The following GPLD1 variants were observed in gnomAD, a reference collection of about 807,000 sequenced individuals.
GPLD1 encodes the protein phosphatidylinositol-glycan-specific phospholipase D.
GPLD1 carries 84 observed loss-of-function variants against 112.6 expected under a neutral mutation model. The observed-to-expected ratio is 0.75, with a 90% CI of 0.63 to 0.89. GPLD1 has a LOEUF of 0.89. GPLD1 is among the 40% of genes least tolerant of loss of function. GPLD1 has a pLI of 0.00. For synonymous variants in GPLD1, 386 were observed against 403.8 expected, an observed-to-expected ratio of 0.96 and a Z score of 0.53; for missense variants, 1,044 against 1,051.5, an observed-to-expected ratio of 0.99 and a Z score of 0.10.
intron 14 of GPLD1, 91 bp from the exon 15 acceptor site, chr6:24,449,990 A>C (rs1581747262): frequency 1.2e-6 from 1 of 826,250 alleles, no homozygotes; most frequent in South Asian, 1.7e-5. Context: ...GCCTGGGACA[A>C]CCCCCGCCCC....
At chr6:24,474,172 CAT>C (rs1491240862) in intron 5 of GPLD1, among the ~76,000 whole-genome samples, 2,671 of 63,846 alleles carry the variant, frequency 0.042, 88 homozygotes, top group African/African-American at 0.087. Flanking sequence ...ACCACACCCA[CAT>C]ACACACACAC....
At chr6:24,476,959 C>T (rs1764039388) in intron 3 of GPLD1, among the ~76,000 whole-genome samples, 1 of 152,020 alleles carries the variant, frequency 6.6e-6, no homozygotes, top group African/African-American at 2.4e-5. Flanking sequence ...TCAGATCCCT[C>T]AGTTCAATTT....
intron 7 of GPLD1, among the ~76,000 whole-genome samples, chr6:24,467,933 C>G (rs1763671702): frequency 6.6e-6 from 1 of 151,480 alleles, no homozygotes; most frequent in Admixed American, 6.6e-5. Context: ...GGAGATGGAG[C>G]TTCGCTCTTG....
intron 1 of GPLD1, among the ~76,000 whole-genome samples, chr6:24,487,857 A>G (rs1764428042): frequency 6.6e-6 from 1 of 152,212 alleles, no homozygotes; most frequent in Non-Finnish European, 1.5e-5. Context: ...ATTCTAGGCC[A>G]GGCCACTGAA....
At chr6:24,486,946 C>A (rs1345364763) in intron 1 of GPLD1, among the ~76,000 whole-genome samples, 4 of 152,070 alleles carry the variant, frequency 2.6e-5, no homozygotes, top group African/African-American at 9.7e-5. Flanking sequence ...CATCATTGGA[C>A]CAGAAGGACA....
chr6:24,434,388 A>T (rs1008408259), intron 22 of GPLD1, among the ~76,000 whole-genome samples: 1 of 150,766 alleles, frequency 6.6e-6, no homozygotes, highest in African/African-American at 2.4e-5. Flanking sequence ...ACAGAGTGAG[A>T]CTCCATTAAA....
In GPLD1 at chr6:24,495,098, C is replaced by G. The variant is rs779034609; in HGVS notation, n.108G>C. 4.8e-5 allele frequency: 64 copies of G among 1,319,588 alleles called. No homozygotes were observed. In the African/African-American group the frequency reaches 9.2e-4, roughly 19 times the overall value. 81.7% of individuals were successfully genotyped at this position (1,319,588 alleles called of 1,614,324 possible). ...CCCGCGCCGGCGGCCTGGTCCCTGC[C>G]TCCGGGCCTGCGCCCGGCCCGGCCC... On this transcript the variant is annotated non_coding_transcript_exon_variant, in exon 1 of 11. Coordinates refer to the GPLD1 transcript ENST00000474784.
intron 22 of GPLD1, among the ~76,000 whole-genome samples, chr6:24,434,374 G>C (rs1284026591): frequency 6.6e-6 from 1 of 151,438 alleles, no homozygotes; most frequent in Non-Finnish European, 1.5e-5. Flanking sequence ...CTCCAGCCTG[G>C]ATGACAGAGT....
In GPLD1 at chr6:24,466,579, T is replaced by C. The variant is rs1763624271; in HGVS notation, c.821+101A>G. 3 of 902,024 alleles carry C rather than the reference T, an allele frequency of 3.3e-6. No individual in the cohort carries two copies. The South Asian group carries it at 5.0e-5, about 15-fold the overall frequency. 55.9% of individuals were successfully genotyped at this position (902,024 alleles called of 1,614,324 possible). ...AAAAGCACTTCATGAGATTGTTTTGTTTTGTTTTTATGTGATCAGTTGAAA... is the reference window on the plus strand; with the variant it reads ...AAAAGCACTTCATGAGATTGTTTTGCTTTGTTTTTATGTGATCAGTTGAAA... On this transcript the variant is annotated intron_variant, in intron 10 of 24. Transcript: ENST00000230036.
intron 21 of GPLD1, 129 bp downstream of exon 21, chr6:24,436,984 A>G: frequency 2.4e-6 from 2 of 836,498 alleles, no homozygotes. Flanking sequence ...CTCATTCAAG[A>G]TCTGTCTAAA....
intron 18 of GPLD1, 54 bp downstream of exon 18, chr6:24,446,784 C>A (rs971757292): frequency 8.3e-6 from 13 of 1,575,026 alleles, no homozygotes; most frequent in Non-Finnish European, 1.1e-5. Context: ...CGCTCCATAG[C>A]AGCAGGTACC....
chr6:24,479,791 T>A, intron 3 of GPLD1, 90 bp downstream of exon 3: 1 of 681,598 alleles, frequency 1.5e-6, no homozygotes. Flanking sequence ...AAATATATTG[T>A]ACACACATAT....
At chr6:24,431,039 A>G (rs1762386529) in intron 24 of GPLD1, among the ~76,000 whole-genome samples, 1 of 152,210 alleles carries the variant, frequency 6.6e-6, no homozygotes, top group South Asian at 2.1e-4. Flanking sequence ...AAACAAATAA[A>G]ATTTTAGATA....
chr6:24,438,733 A>C lies in GPLD1; in HGVS notation c.2021-1444T>G, dbSNP rs540283358. On this transcript the variant is annotated intron_variant, in intron 20 of 24. Transcript: ENST00000230036. ...TGCCAGCACAACAGTTAATATTCAG[A>C]GTGAAAGCCCAAAATATCAAGAAAA... 5.3e-5 allele frequency among the ~76,000 whole-genome samples: 8 copies of C among 152,326 alleles called. No individual in the cohort carries two copies. The South Asian group carries it at 1.7e-3, about 32-fold the overall frequency.
chr6:24,436,768 A>AT, intron 21 of GPLD1, 32 bp from the exon 22 acceptor site: 1 of 1,606,600 alleles, frequency 6.2e-7, no homozygotes. Flanking sequence ...AGAAGGAAGT[A>AT]TTTGACTCCT....
chr6:24,471,894 A>C (rs2127359076), intron 7 of GPLD1, among the ~76,000 whole-genome samples: 1 of 152,258 alleles, frequency 6.6e-6, no homozygotes. Flanking sequence ...CTAAGAACGG[A>C]TTTCTTAAAT....
At chr6:24,484,076 C>T (rs996334484) in intron 2 of GPLD1, among the ~76,000 whole-genome samples, 35 of 151,768 alleles carry the variant, frequency 2.3e-4, no homozygotes, top group African/African-American at 8.0e-4. Context: ...CCACGATGCC[C>T]GGCTAATTTT....
chr6:24,483,900 C>CTTTGT (rs60475332), intron 2 of GPLD1, among the ~76,000 whole-genome samples: 10 of 149,610 alleles, frequency 6.7e-5, no homozygotes, highest in Admixed American at 2.7e-4. Context: ...TGCCCCACCA[C>CTTTGT]TTTGTTTTGT....
At chr6:24,468,749 T>C (rs9467183) in intron 7 of GPLD1, among the ~76,000 whole-genome samples, 34,321 of 151,984 alleles carry the variant, frequency 0.23, 5,632 homozygotes, top group African/African-American at 0.46. Flanking sequence ...GGACTGAACC[T>C]GCGACCCTGG....
Sources: allele counts gnomAD v4.1 joint callset (sites outside exome capture counted in the v4.1 genomes callset), GRCh38; gene constraint gnomAD v4.1.1; transcripts MANE v1.5; gene names NCBI Gene and HGNC (gene_info 2026-07-23, HGNC 2026-07-21).